AHRR: variants seen among roughly 807,000 people sequenced by gnomAD.
AHRR encodes the protein aryl hydrocarbon receptor repressor.
A neutral mutation model predicts 44.0 loss-of-function variants in AHRR; 28 were observed. That is an observed-to-expected ratio of 0.64 (90% confidence interval 0.47 to 0.87). The LOEUF is 0.87. Among genes scored for constraint, AHRR ranks in the 40% least tolerant of loss-of-function variants. AHRR has a pLI of 0.00. For missense variants in AHRR, 990 were observed against 953.9 expected (o/e 1.04, Z -0.50); for synonymous variants, 434 against 407.0 (o/e 1.07, Z -0.80).
chr5:399,575 C>T (rs556000926), intron 4 of AHRR, among the ~76,000 whole-genome samples: 1 of 152,214 alleles, frequency 6.6e-6, no homozygotes, highest in Non-Finnish European at 1.5e-5. Flanking sequence ...CCCTCACAGA[C>T]GCTCACTGTT....
chr5:340,666 A>T (rs1202774945), intron 1 of AHRR, among the ~76,000 whole-genome samples: 1 of 22,834 alleles, frequency 4.4e-5, no homozygotes, highest in Non-Finnish European at 7.2e-5. Flanking sequence ...CAGCAATATT[A>T]TATATATATA....
chr5:345,483 T>TGG (rs1251892493), intron 2 of AHRR, among the ~76,000 whole-genome samples: 1 of 107,126 alleles, frequency 9.3e-6, no homozygotes. Flanking sequence ...TGGCTGTGTG[T>TGG]GGGGATGTGT....
rs1327731822 is a variant in AHRR, at chr5:343,881, C to T, written c.-10-12C>T. 1.3e-6 allele frequency: 2 copies of T among 1,595,350 alleles called. No individual in the cohort carries two copies. The highest frequency in any genetic ancestry group is 1.1e-5 in the South Asian group (1 of 89,652). On this transcript the variant is annotated splice_polypyrimidine_tract_variant and intron_variant, in intron 1 of 10. Transcript: ENST00000684583. ...GCGCGTTCCGGTGACCGGGTGCCCC[C>T]TTGTCTTCCAGGCCGAGGACGATGA...
rs1468732153 is a variant in AHRR, at chr5:370,217, C to T, written c.245-6393C>T. 6.8e-6 allele frequency among the ~76,000 whole-genome samples: 1 copy of T among 147,552 alleles called. No individual in the cohort carries two copies. The highest frequency in any genetic ancestry group is 2.0e-4 in the East Asian group (1 of 5,006). On this transcript the variant is annotated intron_variant, in intron 3 of 10. Transcript: ENST00000684583. The surrounding 1 kb of genome is among the most constrained non-coding windows in gnomAD (Gnocchi z 4.5). Reference sequence around the variant, plus strand: ...CTGGTGCCCCGTCCTCCCGGGCCCTCGCTGGAAGCCCCGTCCTCCCGGGCC... The same window carrying T: ...CTGGTGCCCCGTCCTCCCGGGCCCTTGCTGGAAGCCCCGTCCTCCCGGGCC...
At chr5:375,305 C>T (rs115042408) in intron 3 of AHRR, among the ~76,000 whole-genome samples, 86 of 152,308 alleles carry the variant, frequency 5.6e-4, no homozygotes, top group African/African-American at 1.9e-3. Context: ...TTCGATGAGG[C>T]GGTGCCCCTC....
In AHRR at chr5:404,027, G is replaced by T; in HGVS notation, c.352-9317G>T. 1.3e-6 allele frequency: 1 copy of T among 795,178 alleles called. No homozygotes were observed. Among genetic ancestry groups the T allele is most frequent in the Non-Finnish European group, 2.2e-6 (1 of 457,504 alleles). The allele number at this position is 795,178 out of a possible 1,614,324, so 49.3% of individuals were successfully genotyped here. A position where few individuals can be genotyped will look rare whatever the true frequency, so the allele number is the denominator to read the frequency against. On this transcript the variant is annotated intron_variant, in intron 4 of 10. Transcript: ENST00000684583. This position sits in a 1 kb window ranked among gnomAD's most constrained non-coding sequence, Gnocchi z 4.1. Reference sequence around the variant, plus strand: ...ACTTGGTGTTTTTTCTTAATCCACGGCTGAATCTGTTTAGTCTTTGCATCC... The same window carrying T: ...ACTTGGTGTTTTTTCTTAATCCACGTCTGAATCTGTTTAGTCTTTGCATCC...
rs1320652198 is a variant in AHRR, at chr5:432,821, A to G, written c.986A>G (p.Glu329Gly). The stretch of plus-strand genomic sequence containing the variant: ...ACCCCAACAGGAAGGAGCAGCAGAG[A>G]GAGCGGCGTTTTGGTGCTCAGGGAA... ...PNYSAGRSSRESGVLVLREQT... is the reference protein window; with the variant it reads ...PNYSAGRSSRGSGVLVLREQT... Residue 329 changes from glutamate (E) to glycine (G), a missense_variant, in exon 10 of 11, where the codon GAG becomes GGG. Transcript: ENST00000684583. The G allele has an allele frequency of 6.2e-7, 1 of 1,613,810 alleles. No individual in the cohort carries two copies. Among genetic ancestry groups the G allele is most frequent in the Non-Finnish European group, 8.5e-7 (1 of 1,180,012 alleles).
At position 406,353 on chromosome 5, in the gene AHRR, A is replaced by G. The variant is rs1049555658; in HGVS notation, c.352-6991A>G. 9.2e-5 allele frequency among the ~76,000 whole-genome samples: 14 copies of G among 152,324 alleles called. No individual in the cohort carries two copies. The highest frequency in any genetic ancestry group is 8.3e-4 in the South Asian group (4 of 4,822). On this transcript the variant is annotated intron_variant, in intron 4 of 10. Coordinates refer to ENST00000684583, the MANE Select transcript of AHRR (RefSeq NM_001377236.1). This position sits in a 1 kb window ranked among gnomAD's most constrained non-coding sequence, Gnocchi z 4.7. ...CCCACGTCAGGAGAAAGAGTCCCCA[A>G]TCCCCAGCCCCTACCTCATAGGCCA...
At position 367,845 on chromosome 5, in the gene AHRR, T is replaced by C. The variant is rs567489743; in HGVS notation, c.245-8765T>C. On this transcript the variant is annotated intron_variant, in intron 3 of 10. Coordinates refer to ENST00000684583, the MANE Select transcript of AHRR (RefSeq NM_001377236.1). The stretch of plus-strand genomic sequence containing the variant: ...CAGTGGCAGATGCCGAAGATGTGGA[T>C]GACCACACGGGCGAACGAAGGCCCA... 7 of 702,590 alleles carry C rather than the reference T, an allele frequency of 1.0e-5. No individual in the cohort carries two copies. In the South Asian group the frequency reaches 1.0e-4, roughly 10 times the overall value. 43.5% of individuals were successfully genotyped at this position (702,590 alleles called of 1,614,324 possible).
chr5:363,300 C>T (rs993067192), intron 3 of AHRR, among the ~76,000 whole-genome samples: 1 of 152,178 alleles, frequency 6.6e-6, no homozygotes, highest in African/African-American at 2.4e-5. Context: ...ATCCAGAGGG[C>T]TCTGGGGGCA....
At chr5:381,313 ATTG>A (rs975967030) in intron 4 of AHRR, among the ~76,000 whole-genome samples, 7 of 152,082 alleles carry the variant, frequency 4.6e-5, no homozygotes, top group African/African-American at 1.7e-4. Flanking sequence ...ATAGATTATA[ATTG>A]TTGTCTGAGA....
intron 2 of AHRR, among the ~76,000 whole-genome samples, chr5:350,775 T>TA (rs11306149): frequency 0.036 from 4,825 of 133,454 alleles, 117 homozygotes; most frequent in Middle Eastern, 0.049. Flanking sequence ...GGTGCAACAT[T>TA]AAAAAAAAAA....
At chr5:433,132 G>A (rs543920231) in intron 10 of AHRR, among the ~76,000 whole-genome samples, 185 bp downstream of exon 10, 1 of 152,362 alleles carries the variant, frequency 6.6e-6, no homozygotes, top group South Asian at 2.1e-4. Context: ...CGGACTGGAA[G>A]TCACGTGTGT....
At position 434,038 on chromosome 5, in the gene AHRR, C is replaced by T; in HGVS notation, c.1298C>T (p.Ser433Phe). The T allele has an allele frequency of 6.2e-7, 1 of 1,609,258 alleles. No homozygotes were observed. Among genetic ancestry groups the T allele is most frequent in the Non-Finnish European group, 8.5e-7 (1 of 1,178,296 alleles). ...TCCCTGCGCCCCATGCCCCGCGGCT[C>T]CTGCCTGCCCTGCCCGTGTGTCCAG... ...PPSLRPMPRG[S>F]CLPCPCVQGT... Residue 433 changes from serine to phenylalanine, a missense_variant, in exon 11 of 11, where the codon TCC (serine) becomes TTC (phenylalanine). Physicochemically the swap from Ser to Phe is radical, Grantham distance 155. Transcript: ENST00000684583.
chr5:325,903 C>T (rs1320325814), intron 1 of AHRR, among the ~76,000 whole-genome samples: 2 of 152,144 alleles, frequency 1.3e-5, no homozygotes, highest in African/African-American at 4.8e-5. Flanking sequence ...CTGCCTTAGC[C>T]TCCCGAGTAG....
At chr5:376,755 G>C in intron 4 of AHRR, 39 bp downstream of exon 4, 1 of 1,520,902 alleles carries the variant, frequency 6.6e-7, no homozygotes, top group Non-Finnish European at 9.0e-7. Flanking sequence ...CTTGACACTT[G>C]GTTCTCCGTG....
chr5:333,719 T>C (rs998965768), intron 1 of AHRR, among the ~76,000 whole-genome samples: 2 of 137,030 alleles, frequency 1.5e-5, no homozygotes, highest in African/African-American at 5.6e-5. Context: ...GTTATTTGTT[T>C]CTTTCTTTTC....
At chr5:391,099 G>A (rs1734396339) in intron 4 of AHRR, among the ~76,000 whole-genome samples, 1 of 152,212 alleles carries the variant, frequency 6.6e-6, no homozygotes, top group Non-Finnish European at 1.5e-5. Context: ...AACCAGTGCA[G>A]GGAAGGTGCA....
chr5:421,577 C>A (rs1232306434), intron 5 of AHRR, among the ~76,000 whole-genome samples: 1 of 152,248 alleles, frequency 6.6e-6, no homozygotes, highest in Non-Finnish European at 1.5e-5. Context: ...TAGGAAGGCA[C>A]CATGGCAGAG....
Sources: allele counts gnomAD v4.1 joint callset (sites outside exome capture counted in the v4.1 genomes callset), GRCh38; gene constraint gnomAD v4.1.1; non-coding constraint Gnocchi (gnomAD v3.1); transcripts MANE v1.5; gene names NCBI Gene and HGNC (gene_info 2026-07-23, HGNC 2026-07-21).